The following ZC3H13 variants were observed in gnomAD, a reference collection of about 807,000 sequenced individuals.
ZC3H13 encodes zinc finger CCCH domain-containing protein 13.
In ZC3H13, 64 loss-of-function variants were observed where a neutral mutation model predicts 204.1. That is an observed-to-expected ratio of 0.31 (90% confidence interval 0.26 to 0.39). ZC3H13 has a LOEUF of 0.39. Among genes scored for constraint, ZC3H13 ranks in the 10% least tolerant of loss-of-function variants. The pLI is 1.00. For synonymous variants in ZC3H13, 667 were observed against 693.7 expected (o/e 0.96, Z 0.60); for missense variants, 1,833 against 2,082.7 (o/e 0.88, Z 2.33).
intron 4 of ZC3H13, among the ~76,000 whole-genome samples, chr13:46,028,778 C>A (rs2042697639): frequency 1.3e-5 from 2 of 151,898 alleles, no homozygotes; most frequent in African/African-American, 4.8e-5. Context: ...ATATAACTTA[C>A]AACAATTTGT....
At chr13:45,994,704 T>G (rs567418602) in intron 8 of ZC3H13, among the ~76,000 whole-genome samples, 1 of 152,154 alleles carries the variant, frequency 6.6e-6, no homozygotes, top group East Asian at 1.9e-4. Context: ...ACAACACACA[T>G]TGGCATAAGA....
chr13:45,974,416 T>G (rs576268763), intron 12 of ZC3H13, among the ~76,000 whole-genome samples: 15 of 152,226 alleles, frequency 9.9e-5, no homozygotes, highest in Non-Finnish European at 2.2e-4. Context: ...AAACTGCTAA[T>G]GCTTTGTTTG....
intron 4 of ZC3H13, among the ~76,000 whole-genome samples, chr13:46,040,614 A>T (rs981617310): frequency 6.6e-6 from 1 of 152,180 alleles, no homozygotes; most frequent in African/African-American, 2.4e-5. Flanking sequence ...GTCAGATTTC[A>T]TCAAATTAAA....
chr13:45,962,387 G>C lies in ZC3H13; in HGVS notation c.4675+1455C>G, dbSNP rs142553441. The C allele has an allele frequency of 3.9e-4, 385 of 985,358 alleles. 1 individual carries two copies. In the African/African-American group the frequency reaches 6.3e-3, roughly 16 times the overall value. 61.0% of individuals were successfully genotyped at this position (985,358 alleles called of 1,614,324 possible). A position where few individuals can be genotyped will look rare whatever the true frequency, so the allele number is the denominator to read the frequency against. ...GCAAAATCAAACCAGATTTTAACTTGAAATGCTACTAGCAAAAGGTCACAG... is the reference window on the plus strand; with the variant it reads ...GCAAAATCAAACCAGATTTTAACTTCAAATGCTACTAGCAAAAGGTCACAG... On this transcript the variant is annotated intron_variant, in intron 17 of 18. Transcript: ENST00000679008.
chr13:45,975,518 T>C lies in ZC3H13; in HGVS notation c.2233A>G (p.Arg745Gly), dbSNP rs1458846281. The change falls in exon 12 of 19, where the codon AGG (arginine) becomes GGG (glycine). Residue 745 changes from arginine to glycine, a missense_variant. Physicochemically the swap from Arg to Gly is moderately radical, Grantham distance 125. Transcript: ENST00000679008. ...CTTTCTCGTTCCCGTTCTTTTTCCC[T>C]GTCTCGTTCCCTCTCTCTTTCCCGC... ...RERERERERD[R>G]EKEREREREE... 1.9e-6 allele frequency: 3 copies of C among 1,609,790 alleles called. No individual in the cohort carries two copies. Among genetic ancestry groups the C allele is most frequent in the Non-Finnish European group, 2.5e-6 (3 of 1,178,020 alleles).
At chr13:46,029,623 T>C (rs1404485017) in intron 4 of ZC3H13, among the ~76,000 whole-genome samples, 1 of 151,446 alleles carries the variant, frequency 6.6e-6, no homozygotes, top group Admixed American at 6.6e-5. Context: ...AGAGACGGGG[T>C]TTCACCGTGT....
intron 18 of ZC3H13, 144 bp downstream of exon 18, chr13:45,959,339 G>T (rs1290474814): frequency 1.4e-5 from 10 of 720,962 alleles, no homozygotes; most frequent in Middle Eastern, 2.7e-4. Context: ...ACATTTTAAT[G>T]GCATTCTTCT....
chr13:46,006,742 CAA>C (rs2041186805), intron 7 of ZC3H13, among the ~76,000 whole-genome samples: 1 of 37,764 alleles, frequency 2.6e-5, no homozygotes, highest in African/African-American at 1.5e-4. Context: ...GTATCTACCT[CAA>C]AATTGCTGGC....
At chr13:45,988,311 A>AT (rs2039702029) in intron 9 of ZC3H13, among the ~76,000 whole-genome samples, 1 of 152,108 alleles carries the variant, frequency 6.6e-6, no homozygotes, top group African/African-American at 2.4e-5. Context: ...AGGCTGGAGT[A>AT]TGGTGGTGCG....
intron 5 of ZC3H13, among the ~76,000 whole-genome samples, chr13:46,014,007 T>C (rs935254884): frequency 6.6e-6 from 1 of 152,162 alleles, no homozygotes; most frequent in Non-Finnish European, 1.5e-5. Flanking sequence ...TTTCTAATTA[T>C]AATATTAATT....
intron 10 of ZC3H13, among the ~76,000 whole-genome samples, chr13:45,984,150 A>G (rs939236629): frequency 1.3e-5 from 2 of 152,264 alleles, no homozygotes; most frequent in African/African-American, 4.8e-5. Context: ...TATTTTTACT[A>G]GTTGAAAATA....
At chr13:46,038,183 C>CAT (rs3063671) in intron 4 of ZC3H13, among the ~76,000 whole-genome samples, 113,722 of 151,874 alleles carry the variant, frequency 0.75, 43,058 homozygotes, top group African/African-American at 0.85. Flanking sequence ...CTCACGTCCA[C>CAT]GTTATCATTT....
intron 8 of ZC3H13, among the ~76,000 whole-genome samples, chr13:45,995,683 TA>T (rs1259780291): frequency 6.6e-6 from 1 of 152,238 alleles, no homozygotes; most frequent in Admixed American, 6.5e-5. Context: ...GTTGGATGAA[TA>T]AATGAATTAG....
At chr13:46,007,150 CAGGGGGTTTACCA>C (rs1356813774) in intron 7 of ZC3H13, among the ~76,000 whole-genome samples, 1 of 152,076 alleles carries the variant, frequency 6.6e-6, no homozygotes, top group Non-Finnish European at 1.5e-5. Context: ...CAGAGACTAG[CAGGGGGTTTACCA>C]AACTTTTCTT....
chr13:46,022,390 C>T (rs189988801), intron 4 of ZC3H13, among the ~76,000 whole-genome samples: 36 of 152,024 alleles, frequency 2.4e-4, no homozygotes, highest in Admixed American at 1.4e-3. Context: ...TAATTTCCCC[C>T]ACTTCAACAA....
intron 7 of ZC3H13, among the ~76,000 whole-genome samples, chr13:46,005,104 A>C (rs1201017328): frequency 6.6e-6 from 1 of 152,152 alleles, no homozygotes; most frequent in Non-Finnish European, 1.5e-5. Context: ...TTTACTATTC[A>C]GGTAAGCTGG....
chr13:45,985,404 C>T lies in ZC3H13; in HGVS notation c.1613G>A (p.Ser538Asn). ...CTCATTCCTTATTTCCGTACGAGAA[C>T]TTTCTTCTCTCAAATGGTTTCGGCC... ...SYGRNHLREE[S>N]SRTEIRNESR... Residue 538 changes from serine (S) to asparagine (N), a missense_variant, in exon 10 of 19, where the codon AGT (serine) becomes AAT (asparagine). Ser to Asn is a conservative substitution (Grantham distance 46). Coordinates refer to ENST00000679008, the MANE Select transcript of ZC3H13 (RefSeq NM_001330564.2). 1.2e-6 allele frequency: 2 copies of T among 1,614,198 alleles called. No homozygotes were observed.
At chr13:45,985,855 T>G in intron 9 of ZC3H13, 94 bp from the exon 10 acceptor site, 1 of 1,154,542 alleles carries the variant, frequency 8.7e-7, no homozygotes, top group Non-Finnish European at 1.2e-6. Context: ...AAAATTTTAT[T>G]ATAATGACAA....
At position 45,985,540 on chromosome 13, in the gene ZC3H13, G is replaced by T; in HGVS notation, c.1477C>A (p.Arg493Ser). ...RDYSRDTKESRDPRDSRSTRD... is the reference protein window; with the variant it reads ...RDYSRDTKESSDPRDSRSTRD... ...GTGGACCGAGAATCTCTGGGATCAC[G>T]GCTCTCTTTGGTATCTCTGCTATAA... The change falls in exon 10 of 19, where the codon CGT (arginine) becomes AGT (serine). Residue 493 changes from arginine (R) to serine (S), a missense_variant. Around this residue, in one of 5 missense-constraint regions of ZC3H13, gnomAD observed 1,574 missense variants for 1,757.2 expected, o/e 0.90. Transcript: ENST00000679008. 6.2e-7 allele frequency: 1 copy of T among 1,614,060 alleles called. No individual in the cohort carries two copies. The highest frequency in any genetic ancestry group is 1.1e-5 in the South Asian group (1 of 91,068).
Sources: allele counts gnomAD v4.1 joint callset (sites outside exome capture counted in the v4.1 genomes callset), GRCh38; gene constraint gnomAD v4.1.1; regional missense constraint gnomAD v4.1.1; transcripts MANE v1.5; gene names NCBI Gene and HGNC (gene_info 2026-07-23, HGNC 2026-07-21).